PLCB3: variants seen among roughly 807,000 people sequenced by gnomAD.
PLCB3 encodes 1-phosphatidylinositol 4,5-bisphosphate phosphodiesterase beta-3.
A neutral mutation model predicts 152.1 loss-of-function variants in PLCB3; 54 were observed. That is an observed-to-expected ratio of 0.36 (90% CI 0.29 to 0.45). The LOEUF (loss-of-function observed/expected upper bound fraction) is 0.45, where lower values mean the gene tolerates loss of function less well. PLCB3 is among the 20% of genes least tolerant of loss of function. PLCB3 has a pLI of 1.00. For missense variants in PLCB3, 1,248 were observed against 1,687.5 expected (o/e 0.74, Z 4.56); for synonymous variants, 717 against 698.7 (o/e 1.03, Z -0.41).
rs1214545898 is a variant in PLCB3 at position 64,263,557 on chromosome 11, C to T, written c.2415C>T (p.Phe805=). The change falls in exon 20 of 31, where the codon TTC becomes TTT. Residue 805 remains phenylalanine (F), a synonymous_variant. Transcript: ENST00000279230. Reference sequence around the variant, plus strand: ...CAGCCTTTGAGGAGGGGGGTAAATTCGTAGGGCACCGGATCCTGCCTGTCT... The same window carrying T: ...CAGCCTTTGAGGAGGGGGGTAAATTTGTAGGGCACCGGATCCTGCCTGTCT... ...RIAAFEEGGK[F]VGHRILPVSA... is the part of the protein sequence containing the mutation. The T allele has an allele frequency of 1.0e-5, 16 of 1,605,256 alleles. No individual in the cohort carries two copies. The highest frequency in any genetic ancestry group is 2.2e-5 in the East Asian group (1 of 44,530).
intron 2 of PLCB3, 80 bp from the exon 3 acceptor site, chr11:64,254,668 G>A: frequency 6.6e-7 from 1 of 1,512,220 alleles, no homozygotes; most frequent in Non-Finnish European, 9.2e-7. Flanking sequence ...GCCATTCCCT[G>A]GCCTGGGTAG....
intron 22 of PLCB3, 102 bp downstream of exon 22, chr11:64,264,214 G>A (rs574577141): frequency 2.5e-4 from 186 of 737,064 alleles, no homozygotes; most frequent in Non-Finnish European, 3.7e-4. Context: ...TCTCTCTAGC[G>A]CAGTAGGCTT....
rs1591113168 is a variant in PLCB3 at position 64,263,808 on chromosome 11, T to A, written c.2560+13T>A. 1 of 1,603,398 alleles carries A rather than the reference T, an allele frequency of 6.2e-7. No individual in the cohort carries two copies. Among genetic ancestry groups the A allele is most frequent in the Non-Finnish European group, 8.5e-7 (1 of 1,172,210 alleles). ...GACGACCACCAGGGTGAGCTGGGGGTGGGCGGGGCCTGCCTGGCCAGGGAG... is the reference window on the plus strand; with the variant it reads ...GACGACCACCAGGGTGAGCTGGGGGAGGGCGGGGCCTGCCTGGCCAGGGAG... On this transcript the variant is annotated intron_variant, in intron 21 of 30. Coordinates refer to ENST00000279230, the MANE Select transcript of PLCB3 (RefSeq NM_000932.5).
chr11:64,260,265 G>T, intron 14 of PLCB3, 31 bp downstream of exon 14: 1 of 1,501,210 alleles, frequency 6.7e-7, no homozygotes, highest in South Asian at 1.2e-5. Context: ...AGGTCGGGGA[G>T]GTAGCATCTA....
In PLCB3 at chr11:64,255,826, G is replaced by A; in HGVS notation, c.698+5G>A. The A allele has an allele frequency of 2.5e-6, 4 of 1,601,020 alleles. No individual in the cohort carries two copies. The highest frequency in any genetic ancestry group is 3.4e-6 in the Non-Finnish European group (4 of 1,168,132). On this transcript the variant is annotated splice_donor_5th_base_variant and intron_variant, in intron 8 of 30. Transcript: ENST00000279230. The surrounding 1 kb of genome is among the most constrained non-coding windows in gnomAD (Gnocchi z 6.8). ...TGACAAGATCCTGCTGGAGATGTGA[G>A]TGGGCCCGGCCTGCCTCACAACCCC...
At chr11:64,256,054 C>G (rs1264885177) in intron 8 of PLCB3, among the ~76,000 whole-genome samples, 1 of 152,114 alleles carries the variant, frequency 6.6e-6, no homozygotes, top group Non-Finnish European at 1.5e-5. Context: ...TTGGTTTAAT[C>G]AGCCCACTCT....
Position 64,267,340 on chromosome 11 carries a change from CCTT to C in PLCB3, c.3502-10_3502-8del, listed in dbSNP as rs746925463. The C allele has an allele frequency of 4.5e-6, 7 of 1,548,842 alleles. No homozygotes were observed. Among genetic ancestry groups the C allele is most frequent in the Non-Finnish European group, 6.1e-6 (7 of 1,145,294 alleles). On this transcript the variant is annotated splice_polypyrimidine_tract_variant and intron_variant, in intron 30 of 30. Transcript: ENST00000279230. The surrounding 1 kb of genome is among the most constrained non-coding windows in gnomAD (Gnocchi z 5.2). ...GCCAGGCCTCGCCTGTGATGCCCAT[CCTT>C]CTCCCACAGCTGCTGGCCCAGCTGG... is the stretch of plus-strand genomic sequence containing the variant.
Position 64,267,657 on chromosome 11 carries a change from T to A in PLCB3, c.*101T>A. Reference sequence around the variant, plus strand: ...TTTTTTTTTTTTTTAACTTTTTATCTAGAAATTTTATTTTTTTAAACCCGG... The same window carrying A: ...TTTTTTTTTTTTTTAACTTTTTATCAAGAAATTTTATTTTTTTAAACCCGG... On this transcript the variant is annotated 3_prime_UTR_variant, in exon 31 of 31. Transcript: ENST00000279230. This position sits in a 1 kb window ranked among gnomAD's most constrained non-coding sequence, Gnocchi z 5.2. The A allele has an allele frequency of 1.0e-6, 1 of 953,032 alleles. No homozygotes were observed. The highest frequency in any genetic ancestry group is 1.5e-6 in the Non-Finnish European group (1 of 653,668). The allele number at this position is 953,032 out of a possible 1,614,324, so 59.0% of individuals were successfully genotyped here.
chr11:64,251,549 C>G lies in PLCB3; in HGVS notation c.-101C>G, dbSNP rs978761681. ...CGGGACAGACTGGCGGGCGGGCGGG[C>G]ACTGACGCCGCGGGGCCGGAGCGGG... On this transcript the variant is annotated 5_prime_UTR_variant, in exon 1 of 31. Transcript: ENST00000279230. The G allele has an allele frequency of 8.7e-6, 3 of 344,502 alleles. No homozygotes were observed. Among genetic ancestry groups the G allele is most frequent in the African/African-American group, 6.6e-5 (3 of 45,128 alleles). 21.3% of individuals were successfully genotyped at this position (344,502 alleles called of 1,614,324 possible). A position where few individuals can be genotyped will look rare whatever the true frequency, so the allele number is the denominator to read the frequency against.
chr11:64,251,803 C>G, intron 1 of PLCB3, 55 bp downstream of exon 1: 8 of 1,071,400 alleles, frequency 7.5e-6, no homozygotes, highest in Non-Finnish European at 1.0e-5. Flanking sequence ...CAGTCAAGCT[C>G]GACCAGACGC....
At position 64,256,330 on chromosome 11, in the gene PLCB3, G is replaced by A. The variant is rs147408675; in HGVS notation, c.699-46G>A. On this transcript the variant is annotated intron_variant, in intron 8 of 30. Coordinates refer to ENST00000279230, the MANE Select transcript of PLCB3 (RefSeq NM_000932.5). ...GGGCAAGGGCTTGGCGACGGGGTGG[G>A]AGCCCTGCCAGGCTCCATCCTGACC... is the stretch of plus-strand genomic sequence containing the variant. 4.4e-4 allele frequency: 703 copies of A among 1,582,868 alleles called. 5 individuals are homozygous for A. The African/African-American group carries it at 9.0e-3, about 20-fold the overall frequency.
Position 64,260,063 on chromosome 11 carries a change from C to A in PLCB3, c.1560C>A (p.Ser520Arg). 1 of 1,611,972 alleles carries A rather than the reference C, an allele frequency of 6.2e-7. No homozygotes were observed. Among genetic ancestry groups the A allele is most frequent in the Non-Finnish European group, 8.5e-7 (1 of 1,179,382 alleles). ...SPSSDSCPGL[S>R]NGEEVGLEKP... ...GCTCTGACAGCTGCCCAGGCCTGAG[C>A]AATGGGGAGGAGGTAGGGCTTGAGA... is the stretch of plus-strand genomic sequence containing the variant. The change falls in exon 14 of 31, where the codon AGC becomes AGA. Residue 520 changes from serine to arginine, a missense_variant. This residue lies in a region of PLCB3 where 105 missense variants were observed against 100.9 expected (regional missense o/e 1.04). Transcript: ENST00000279230.
rs1217099791 is a variant in PLCB3, at chr11:64,266,236, G to A, written c.3266+34G>A. 22 of 1,613,428 alleles carry A rather than the reference G, an allele frequency of 1.4e-5. No individual in the cohort carries two copies. Among genetic ancestry groups the A allele is most frequent in the African/African-American group, 2.7e-5 (2 of 74,858 alleles). ...CGAGGATTGTCTATGGGAAGGGCTG[G>A]GGACTTCTAGTACCAGAAGGAGGGC... On this transcript the variant is annotated intron_variant, in intron 27 of 30. Coordinates refer to ENST00000279230, the MANE Select transcript of PLCB3 (RefSeq NM_000932.5). The surrounding 1 kb of genome is among the most constrained non-coding windows in gnomAD (Gnocchi z 4.9).
Position 64,258,825 on chromosome 11 carries a change from C to T in PLCB3, c.1254-60C>T, listed in dbSNP as rs1314468597. 13 of 1,607,276 alleles carry T rather than the reference C, an allele frequency of 8.1e-6. No individual in the cohort carries two copies. The highest frequency in any genetic ancestry group is 2.2e-5 in the East Asian group (1 of 44,786). ...CCTGCGAACGGCCACTGACATGTCC[C>T]GTAGACCTCAGCTTCCTCTCTGGGG... On this transcript the variant is annotated intron_variant, in intron 11 of 30. Transcript: ENST00000279230. The surrounding 1 kb of genome is among the most constrained non-coding windows in gnomAD (Gnocchi z 7.2).
rs2135069211 is a variant in PLCB3 at position 64,266,659 on chromosome 11, G to A, written c.3414+107G>A. ...CACGTTGCCCTCAAGGTTCTTCTAG[G>A]GCCTTTCTCAAGTGCCCAACAGCCC... is the stretch of plus-strand genomic sequence containing the variant. On this transcript the variant is annotated intron_variant, in intron 29 of 30. Coordinates refer to ENST00000279230, the MANE Select transcript of PLCB3 (RefSeq NM_000932.5). The surrounding 1 kb of genome is among the most constrained non-coding windows in gnomAD (Gnocchi z 4.9). 9.0e-7 allele frequency: 1 copy of A among 1,111,098 alleles called. No homozygotes were observed. The highest frequency in any genetic ancestry group is 1.8e-5 in the Admixed American group (1 of 55,630). The allele number at this position is 1,111,098 out of a possible 1,614,324, so 68.8% of individuals were successfully genotyped here.
At chr11:64,268,332 G>A (rs1486062704), downstream of PLCB3, among the ~76,000 whole-genome samples, 1 of 152,148 alleles carries the variant, frequency 6.6e-6, no homozygotes, top group African/African-American at 2.4e-5. Flanking sequence ...GGGTGGAGCA[G>A]GGCAGCTCAG....
chr11:64,268,886 C>G (rs1231506831), downstream of PLCB3: 1 of 152,334 alleles, frequency 6.6e-6, no homozygotes, highest in Admixed American at 6.5e-5. Context: ...GTGGGGAGGC[C>G]AGGGAAACAG....
intron 19 of PLCB3, 113 bp from the exon 20 acceptor site, chr11:64,263,385 C>A: frequency 1.5e-6 from 1 of 658,480 alleles, no homozygotes; most frequent in Non-Finnish European, 2.6e-6. Context: ...GTCAGTAGGT[C>A]AGCTCGTCTG....
rs551857470 is a variant in PLCB3 at position 64,252,227 on chromosome 11, CCT to C, written c.99+480_99+481del. ...TCCTCGTCCATTCATCATTTTTCCCCCTGTTCTGGTTGGCACCCCTTCGCCCT... is the reference window on the plus strand; with the variant it reads ...TCCTCGTCCATTCATCATTTTTCCCCGTTCTGGTTGGCACCCCTTCGCCCT... On this transcript the variant is annotated intron_variant, in intron 1 of 30. Transcript: ENST00000279230. 2.5e-4 allele frequency among the ~76,000 whole-genome samples: 38 copies of C among 152,186 alleles called. 1 individual carries two copies. The South Asian group carries it at 7.9e-3, about 32-fold the overall frequency.
Sources: allele counts gnomAD v4.1 joint callset (sites outside exome capture counted in the v4.1 genomes callset), GRCh38; gene constraint gnomAD v4.1.1; regional missense constraint gnomAD v4.1.1; non-coding constraint Gnocchi (gnomAD v3.1); transcripts MANE v1.5; gene names NCBI Gene and HGNC (gene_info 2026-07-23, HGNC 2026-07-21).